PKD1: variants seen among roughly 807,000 people sequenced by gnomAD.
PKD1 encodes the protein polycystin-1.
A neutral mutation model predicts 361.7 loss-of-function variants in PKD1; 81 were observed. That is an observed-to-expected ratio of 0.22 (90% confidence interval 0.19 to 0.27). The LOEUF is 0.27. Among genes scored for constraint, PKD1 ranks in the 10% least tolerant of loss-of-function variants. PKD1 has a pLI of 1.00. For synonymous variants in PKD1, 3,615 were observed against 2,818.3 expected, an observed-to-expected ratio of 1.28 and a Z score of -8.95; for missense variants, 6,399 against 6,118.3, an observed-to-expected ratio of 1.05 and a Z score of -1.53.
chr16:2,101,207 G>A (rs1378290646), intron 26 of PKD1, among the ~76,000 whole-genome samples: 2 of 152,068 alleles, frequency 1.3e-5, no homozygotes, highest in Admixed American at 1.3e-4. Flanking sequence ...GGATGGTCTC[G>A]ATCTCCTGAC....
chr16:2,096,440 CTA>C (rs1043641136), intron 34 of PKD1, among the ~76,000 whole-genome samples: 3 of 152,220 alleles, frequency 2.0e-5, no homozygotes, highest in African/African-American at 4.8e-5. Flanking sequence ...ATGTGCGTGA[CTA>C]TGTGCGTGAC....
rs146876403 is a variant in PKD1, at chr16:2,111,330, G to A, written c.3837C>T (p.Pro1279=). The change falls in exon 15 of 46, where the codon CCC becomes CCT. Residue 1279 remains proline, a synonymous_variant. Transcript: ENST00000262304. The part of the protein sequence containing the change: ...NCTVTVGAAS[P]AGHLARSLHV... Reference sequence around the variant, plus strand: ...GCAGGCTCCGGGCCAGGTGGCCGGCGGGGCTGGCCGCACCCACGGTCACTG... The same window carrying A: ...GCAGGCTCCGGGCCAGGTGGCCGGCAGGGCTGGCCGCACCCACGGTCACTG... 3.5e-5 allele frequency: 56 copies of A among 1,608,454 alleles called. No individual in the cohort carries two copies. Among genetic ancestry groups the A allele is most frequent in the East Asian group, 1.6e-4 (7 of 44,818 alleles).
rs775497330 is a variant in PKD1 at position 2,099,895 on chromosome 16, C to A, written c.9889G>T (p.Val3297Leu). Residue 3297 changes from valine (V) to leucine (L), a missense_variant, in exon 29 of 46, where the codon GTG (valine) becomes TTG (leucine). By Grantham distance (32) the Val-to-Leu change is conservative (BLOSUM62 1). Transcript: ENST00000262304. ...GAGTCGCCAACAGCCCCGTACCACA[C>A]GGCGTTGGCGCCCAGGAAGAGGCAG... Reference protein sequence around the residue: ...LICLFLGANAVWYGAVGDSAY... With the variant: ...LICLFLGANALWYGAVGDSAY... 7 of 1,566,074 alleles carry A rather than the reference C, an allele frequency of 4.5e-6. No homozygotes were observed. Among genetic ancestry groups the A allele is most frequent in the African/African-American group, 4.1e-5 (3 of 73,846 alleles).
chr16:2,099,477 T>A (rs2091996548), intron 30 of PKD1, 167 bp downstream of exon 30: 7 of 709,502 alleles, frequency 9.9e-6, no homozygotes, highest in Non-Finnish European at 1.8e-5. Flanking sequence ...TCTCTCTTTC[T>A]CCCTGGTCAG....
chr16:2,130,937 G>T (rs2092868177), intron 1 of PKD1, among the ~76,000 whole-genome samples: 1 of 152,214 alleles, frequency 6.6e-6, no homozygotes, highest in Admixed American at 6.5e-5. Context: ...CCCAGCCAGG[G>T]TGAGTGGCAA....
In PKD1 at chr16:2,129,162, G is replaced by GT. The variant is rs773049623; in HGVS notation, c.215+6312dup. Among the ~76,000 whole-genome samples the GT allele has an allele frequency of 9.3e-3, 1,228 of 132,476 alleles. 4 individuals are homozygous for GT. Among genetic ancestry groups the GT allele is most frequent in the East Asian group, 0.012 (56 of 4,518 alleles). 86.9% of individuals were successfully genotyped at this position (132,476 alleles called of 152,430 possible). Reference sequence around the variant, plus strand: ...AGGCGTGAACCACCGCGCCCACCCTGTTTTTTTTTTTTTTTTTTAAAGACC... The same window carrying GT: ...AGGCGTGAACCACCGCGCCCACCCTGTTTTTTTTTTTTTTTTTTTAAAGACC... On this transcript the variant is annotated intron_variant, in intron 1 of 45. Coordinates refer to ENST00000262304, the MANE Select transcript of PKD1 (RefSeq NM_001009944.3).
intron 14 of PKD1, among the ~76,000 whole-genome samples, 194 bp from the exon 15 acceptor site, chr16:2,112,065 G>A (rs986794370): frequency 1.3e-5 from 2 of 152,238 alleles, no homozygotes; most frequent in African/African-American, 2.4e-5. Context: ...TGGCGAGGAC[G>A]GCACCGCCTC....
At position 2,109,463 on chromosome 16, in the gene PKD1, C is replaced by T. The variant is rs370479407; in HGVS notation, c.5704G>A (p.Gly1902Arg). Reference protein sequence around the residue: ...LWASSKVVAPGQLVHFQILLA... With the variant: ...LWASSKVVAPRQLVHFQILLA... ...AGGATCTGAAAATGGACCAGCTGCC[C>T]GGGCGCCACCACCTTGCTGCTGGCC... The change falls in exon 15 of 46, where the codon GGG becomes AGG. Residue 1902 changes from glycine (G) to arginine (R), a missense_variant. Coordinates refer to ENST00000262304, the MANE Select transcript of PKD1 (RefSeq NM_001009944.3). 8.8e-5 allele frequency: 141 copies of T among 1,608,072 alleles called. No homozygotes were observed. Among genetic ancestry groups the T allele is most frequent in the Middle Eastern group, 6.5e-4 (3 of 4,646 alleles).
chr16:2,106,846 C>G lies in PKD1; in HGVS notation c.7168G>C (p.Glu2390Gln), dbSNP rs1448137591. The change falls in exon 17 of 46, where the codon GAG (glutamate) becomes CAG (glutamine). Residue 2390 changes from glutamate (E) to glutamine (Q), a missense_variant. Physicochemically the swap from Glu to Gln is conservative, Grantham distance 29. Coordinates refer to ENST00000262304, the MANE Select transcript of PKD1 (RefSeq NM_001009944.3). This position sits in a 1 kb window ranked among gnomAD's most constrained non-coding sequence, Gnocchi z 6.5. ...EVSRSSYVYL[E>Q]GRCLNCSSGS... ...CTGCTGCAATTGAGGCAGCGGCCCT[C>G]CAAGTACACGTAGGAGCTGCGGCTC... is the stretch of plus-strand genomic sequence containing the variant. The G allele has an allele frequency of 6.4e-7, 1 of 1,554,616 alleles. No homozygotes were observed.
In PKD1 at chr16:2,112,937, G is replaced by C. The variant is rs747955457; in HGVS notation, c.3012C>G (p.Asn1004Lys). The C allele has an allele frequency of 6.2e-7, 1 of 1,602,756 alleles. No individual in the cohort carries two copies. Among genetic ancestry groups the C allele is most frequent in the Non-Finnish European group, 8.5e-7 (1 of 1,179,728 alleles). ...LSLTASNHVS[N>K]VTVNYNVTVE... ...CGGTTACGTTGTAGTTCACGGTGAC[G>C]TTGCTCACGTGGTTGGAGGCCGTCA... is the stretch of plus-strand genomic sequence containing the variant. The change falls in exon 13 of 46, where the codon AAC (asparagine) becomes AAG (lysine). Residue 1004 changes from asparagine (N) to lysine (K), a missense_variant. By Grantham distance (94) the Asn-to-Lys change is moderately conservative. Coordinates refer to ENST00000262304, the MANE Select transcript of PKD1 (RefSeq NM_001009944.3).
chr16:2,114,074 T>C (rs4018174), intron 11 of PKD1, 96 bp downstream of exon 11: 6 of 1,045,956 alleles, frequency 5.7e-6, no homozygotes, highest in East Asian at 5.0e-5. Flanking sequence ...ACTGGGCTGC[T>C]GCCCTCACTG....
chr16:2,120,092 C>T, intron 1 of PKD1: 1 of 572,828 alleles, frequency 1.7e-6, no homozygotes. Flanking sequence ...CGCCTGGGGT[C>T]CCAAGTACTC....
rs902572213 is a variant in PKD1, at chr16:2,088,761, G to T, written c.*966C>A. 46 of 1,112,990 alleles carry T rather than the reference G, an allele frequency of 4.1e-5. No homozygotes were observed. The South Asian group carries it at 7.2e-4, about 17-fold the overall frequency. 68.9% of individuals were successfully genotyped at this position (1,112,990 alleles called of 1,614,324 possible). A position where few individuals can be genotyped will look rare whatever the true frequency, so the allele number is the denominator to read the frequency against. ...TTGTCTGCTTGGTGCGGGGGTTGGGGGGGTGTCGAGGCTCTAGAAGCGGCC... is the reference window on the plus strand; with the variant it reads ...TTGTCTGCTTGGTGCGGGGGTTGGGTGGGTGTCGAGGCTCTAGAAGCGGCC... On this transcript the variant is annotated 3_prime_UTR_variant, in exon 46 of 46. Coordinates refer to ENST00000262304, the MANE Select transcript of PKD1 (RefSeq NM_001009944.3).
At chr16:2,121,778 C>G (rs1222318196) in intron 1 of PKD1, among the ~76,000 whole-genome samples, 2 of 152,164 alleles carry the variant, frequency 1.3e-5, no homozygotes, top group Admixed American at 6.5e-5. Context: ...CTGCACACCA[C>G]CCCCCTGCTC....
rs2092676402 is a variant in PKD1, at chr16:2,118,556, T to A, written c.530-94A>T. 8.7e-7 allele frequency: 1 copy of A among 1,155,776 alleles called. No homozygotes were observed. 71.6% of individuals were successfully genotyped at this position (1,155,776 alleles called of 1,614,324 possible). On this transcript the variant is annotated intron_variant, in intron 4 of 45. Transcript: ENST00000262304. This position sits in a 1 kb window ranked among gnomAD's most constrained non-coding sequence, Gnocchi z 6.0. ...CCGCCGCACTCACAGGCTCCCATGC[T>A]GTTCCCTTGGCCCGGAGGCCCCCCC...
At position 2,109,115 on chromosome 16, in the gene PKD1, G is replaced by A. The variant is rs1405244161; in HGVS notation, c.6052C>T (p.Leu2018=). Reference sequence around the variant, plus strand: ...ACGTCGCGGCCCGACAGGATGACCAGCGAGTCGCCCTGGACCTTCTGCAGC... The same window carrying A: ...ACGTCGCGGCCCGACAGGATGACCAACGAGTCGCCCTGGACCTTCTGCAGC... ...FSLQKVQGDS[L]VILSGRDVTY... is the part of the protein sequence containing the mutation. Residue 2018 remains leucine (L), a synonymous_variant, in exon 15 of 46, where the codon CTG becomes TTG. Transcript: ENST00000262304. The A allele has an allele frequency of 6.2e-7, 1 of 1,603,098 alleles. No homozygotes were observed. The highest frequency in any genetic ancestry group is 1.8e-4 in the Middle Eastern group (1 of 5,516).
chr16:2,123,978 G>A (rs2092761128), intron 1 of PKD1, among the ~76,000 whole-genome samples: 1 of 152,218 alleles, frequency 6.6e-6, no homozygotes, highest in South Asian at 2.1e-4. Context: ...CGTCCGATCT[G>A]GAAGGCGGGA....
In PKD1 at chr16:2,099,952, T is replaced by C; in HGVS notation, c.9832A>G (p.Ile3278Val). The C allele has an allele frequency of 6.4e-7, 1 of 1,563,476 alleles. No individual in the cohort carries two copies. The highest frequency in any genetic ancestry group is 8.7e-7 in the Non-Finnish European group (1 of 1,155,418). The change falls in exon 29 of 46, where the codon ATC becomes GTC. Residue 3278 changes from isoleucine to valine, a missense_variant. By Grantham distance (29) the Ile-to-Val change is conservative. Coordinates refer to ENST00000262304, the MANE Select transcript of PKD1 (RefSeq NM_001009944.3). ...AGAACGCAGCAGGTGGCCCTCTGGA[T>C]GCGAGTGAAACGGCTACGAGGCGGC... is the stretch of plus-strand genomic sequence containing the variant. ...DRPPRSRFTR[I>V]QRATCCVLLI...
rs780508020 is a variant in PKD1 at position 2,114,232 on chromosome 16, G to C, written c.2791C>G (p.Pro931Ala). The change falls in exon 11 of 46, where the codon CCC becomes GCC. Residue 931 changes from proline (P) to alanine (A), a missense_variant. By Grantham distance (27) the Pro-to-Ala change is conservative. Transcript: ENST00000262304. Reference protein sequence around the residue: ...NLSLRVTAEEPICGLRATPSP... With the variant: ...NLSLRVTAEEAICGLRATPSP... ...GGCGTGGCGCGGAGGCCACAGATGG[G>C]CTCCTCCGCCGTCACCCGCAGGCTG... 10 of 1,609,576 alleles carry C rather than the reference G, an allele frequency of 6.2e-6. No homozygotes were observed. Among genetic ancestry groups the C allele is most frequent in the Non-Finnish European group, 8.5e-6 (10 of 1,179,060 alleles).
Sources: gnomAD v4.1 joint callset for allele counts (sites outside exome capture counted in the v4.1 genomes callset) on GRCh38, gnomAD v4.1.1 for gene constraint, Gnocchi (gnomAD v3.1) non-coding constraint, MANE v1.5 for transcripts, NCBI Gene and HGNC (gene_info 2026-07-23, HGNC 2026-07-21) for gene names.